UNC13C: variants seen among roughly 807,000 people sequenced by gnomAD.
UNC13C encodes unc-13 homolog C.
In UNC13C, 174 loss-of-function variants were observed where a neutral mutation model predicts 245.4. The observed-to-expected ratio is 0.71, with a 90% CI of 0.63 to 0.80. UNC13C has a LOEUF of 0.80. UNC13C is among the 30% of genes least tolerant of loss of function. The pLI is 0.00. For synonymous variants in UNC13C, 992 were observed against 895.1 expected (o/e 1.11, Z -1.93); for missense variants, 2,829 against 2,602.9 (o/e 1.09, Z -1.89).
the UNC13C span, among the ~76,000 whole-genome samples, chr15:53,869,978 C>T: frequency 6.6e-6 from 1 of 152,184 alleles, no homozygotes; most frequent in Non-Finnish European, 1.5e-5. Flanking sequence ...CTGCTTTCAG[C>T]CATAACACTG....
chr15:53,948,007 A>C, the UNC13C span: 11 of 152,352 alleles, frequency 7.2e-5, no homozygotes, highest in African/African-American at 2.6e-4. Context: ...TTGATTTGCT[A>C]TCTGATTCAG....
chr15:54,362,337 T>G (rs747275450), intron 17 of UNC13C, among the ~76,000 whole-genome samples: 1 of 152,154 alleles, frequency 6.6e-6, no homozygotes, highest in Non-Finnish European at 1.5e-5. Flanking sequence ...GGGAAATTCT[T>G]TGCAAATGGT....
chr15:54,127,212 C>T (rs552350269), intron 2 of UNC13C, among the ~76,000 whole-genome samples: 1 of 152,096 alleles, frequency 6.6e-6, no homozygotes, highest in African/African-American at 2.4e-5. Context: ...TGGGTATATA[C>T]CCAAAGGATT....
chr15:54,526,454 G>A (rs939081922), intron 25 of UNC13C, among the ~76,000 whole-genome samples: 6 of 152,028 alleles, frequency 3.9e-5, no homozygotes, highest in East Asian at 1.9e-4. Context: ...CTTCAGGGCC[G>A]GGTACGGTGG....
rs1895591762 is a variant in UNC13C at position 54,015,236 on chromosome 15, C to T, written c.2333C>T (p.Ser778Leu). The change falls in exon 2 of 33, where the codon TCA (serine) becomes TTA (leucine). Residue 778 changes from serine (S) to leucine (L), a missense_variant. Ser to Leu is a moderately radical substitution (Grantham distance 145, BLOSUM62 -2). Transcript: ENST00000260323. Reference protein sequence around the residue: ...SDDSEDAPPKSWHSRLSIDLS... With the variant: ...SDDSEDAPPKLWHSRLSIDLS... ...GATTCAGAGGATGCCCCACCCAAAT[C>T]ATGGCATAGTCGATTAAGCATTGAC... 1.2e-6 allele frequency: 2 copies of T among 1,613,324 alleles called. No individual in the cohort carries two copies. Among genetic ancestry groups the T allele is most frequent in the Non-Finnish European group, 1.7e-6 (2 of 1,179,722 alleles).
At chr15:53,994,853 C>T (rs1894547600) in intron 1 of UNC13C, among the ~76,000 whole-genome samples, 1 of 151,880 alleles carries the variant, frequency 6.6e-6, no homozygotes, top group Non-Finnish European at 1.5e-5. Context: ...AAGATAATGA[C>T]CTCAAGGGAA....
At chr15:54,300,992 A>ATACTTG (rs2037565019) in intron 13 of UNC13C, among the ~76,000 whole-genome samples, 1 of 152,052 alleles carries the variant, frequency 6.6e-6, no homozygotes, top group South Asian at 2.1e-4. Context: ...TTAACTTATT[A>ATACTTG]TAATTTCAGT....
At chr15:54,320,969 G>C (rs1240106619) in intron 13 of UNC13C, 3 of 404,734 alleles carry the variant, frequency 7.4e-6, no homozygotes, top group Non-Finnish European at 1.4e-5. Flanking sequence ...CATCCCCACT[G>C]CCACCATATC....
chr15:53,934,282 G>A, the UNC13C span, among the ~76,000 whole-genome samples: 1 of 152,118 alleles, frequency 6.6e-6, no homozygotes, highest in Admixed American at 6.5e-5. Flanking sequence ...TATGAGATTG[G>A]GAGGACACAT....
At chr15:54,198,345 G>T (rs908577184) in intron 4 of UNC13C, among the ~76,000 whole-genome samples, 1 of 152,110 alleles carries the variant, frequency 6.6e-6, no homozygotes, top group African/African-American at 2.4e-5. Context: ...CATCCTCCCT[G>T]TAGAACCACA....
intron 4 of UNC13C, among the ~76,000 whole-genome samples, chr15:54,223,173 C>G (rs910083667): frequency 7.9e-5 from 12 of 152,052 alleles, no homozygotes; most frequent in African/African-American, 2.9e-4. Context: ...TTTGCCCAGA[C>G]CAATGTCCTT....
At position 53,993,005 on chromosome 15, in the gene UNC13C, A is replaced by G. The variant is rs531865268; in HGVS notation, c.-257+14078A>G. Among the ~76,000 whole-genome samples, 29 of 152,124 alleles carry G rather than the reference A, an allele frequency of 1.9e-4. 1 individual carries two copies. The highest frequency in any genetic ancestry group is 3.1e-4 in the Non-Finnish European group (21 of 67,992). ...TGAAAACGTTAACAATCACACTGCT[A>G]TAATACACCACGGACTATCCATTTT... On this transcript the variant is annotated intron_variant, in intron 1 of 32. Coordinates refer to ENST00000260323, the MANE Select transcript of UNC13C (RefSeq NM_001080534.3).
In UNC13C at chr15:54,569,151, G is replaced by T. The variant is rs181117386; in HGVS notation, c.6106+1204G>T. On this transcript the variant is annotated intron_variant, in intron 30 of 32. Coordinates refer to ENST00000260323, the MANE Select transcript of UNC13C (RefSeq NM_001080534.3). ...TGTAGCTTTACTCCAAGAAAGAAATGAGTATATAAAACTTTTGCTTCATCT... is the reference window on the plus strand; with the variant it reads ...TGTAGCTTTACTCCAAGAAAGAAATTAGTATATAAAACTTTTGCTTCATCT... Among the ~76,000 whole-genome samples the T allele has an allele frequency of 1.0e-3, 155 of 152,018 alleles. No individual in the cohort carries two copies. In the East Asian group the frequency reaches 0.024, roughly 23 times the overall value.
intron 16 of UNC13C, 129 bp from the exon 17 acceptor site, chr15:54,338,232 G>A: frequency 9.2e-7 from 1 of 1,087,832 alleles, no homozygotes; most frequent in Non-Finnish European, 1.3e-6. Flanking sequence ...AAACCACATG[G>A]TAAGATGACA....
intron 30 of UNC13C, among the ~76,000 whole-genome samples, chr15:54,615,476 G>A (rs1248029151): frequency 6.6e-6 from 1 of 151,864 alleles, no homozygotes; most frequent in African/African-American, 2.4e-5. Context: ...CATCCTTCAA[G>A]ATGTATTATT....
At chr15:53,930,784 G>A in the UNC13C span, among the ~76,000 whole-genome samples, 1 of 152,068 alleles carries the variant, frequency 6.6e-6, no homozygotes, top group African/African-American at 2.4e-5. Flanking sequence ...TTAAATGCTG[G>A]GGAAACAGCC....
At chr15:53,888,859 T>TAG in the UNC13C span, among the ~76,000 whole-genome samples, 2 of 152,198 alleles carry the variant, frequency 1.3e-5, no homozygotes, top group African/African-American at 4.8e-5. Flanking sequence ...CAGATGGTTG[T>TAG]AGATGTGTGG....
intron 2 of UNC13C, among the ~76,000 whole-genome samples, chr15:54,054,062 T>C (rs78661378): frequency 6.6e-6 from 1 of 152,344 alleles, no homozygotes; most frequent in Admixed American, 6.5e-5. Flanking sequence ...ATCTTGGCTA[T>C]TGTGAATAGT....
intron 26 of UNC13C, among the ~76,000 whole-genome samples, chr15:54,534,910 T>TG (rs1333968391): frequency 6.6e-6 from 1 of 151,864 alleles, no homozygotes; most frequent in East Asian, 1.9e-4. Flanking sequence ...CCTAAGGGAG[T>TG]GCTAAACATG....
Sources: gnomAD v4.1 joint callset for allele counts (sites outside exome capture counted in the v4.1 genomes callset) on GRCh38, gnomAD v4.1.1 for gene constraint, MANE v1.5 for transcripts, NCBI Gene and HGNC (gene_info 2026-07-23, HGNC 2026-07-21) for gene names.